PCGF6: variants seen among roughly 807,000 people sequenced by gnomAD.
The protein encoded by PCGF6 is polycomb group RING finger protein 6.
PCGF6 carries 24 observed loss-of-function variants against 45.5 expected under a neutral mutation model. The observed-to-expected ratio is 0.53, with a 90% confidence interval of 0.38 to 0.74. The LOEUF is 0.74. Ranked by LOEUF, PCGF6 falls within the 30% of genes least tolerant of loss-of-function variation. The probability of loss-of-function intolerance (pLI) is 0.00; values close to 1 mark genes in which losing one functional copy is unlikely to be tolerated. For missense variants in PCGF6, 356 were observed against 443.2 expected (o/e 0.80, Z 1.77); for synonymous variants, 152 against 162.1 (o/e 0.94, Z 0.47).
At chr10:103,332,330 A>G (rs1592068498) in intron 7 of PCGF6, among the ~76,000 whole-genome samples, 1 of 152,110 alleles carries the variant, frequency 6.6e-6, no homozygotes, top group Non-Finnish European at 1.5e-5. Flanking sequence ...CCTAGGCTAG[A>G]GTGTAGTGAC....
chr10:103,320,201 T>G (rs542585477), intron 8 of PCGF6, among the ~76,000 whole-genome samples: 1 of 152,298 alleles, frequency 6.6e-6, no homozygotes, highest in South Asian at 2.1e-4. Flanking sequence ...GTGAGGTGTA[T>G]GTTCTAAATT....
chr10:103,313,570 A>C lies in PCGF6; in HGVS notation c.996+616T>G, dbSNP rs370929916. Among the ~76,000 whole-genome samples, 61 of 152,326 alleles carry C rather than the reference A, an allele frequency of 4.0e-4. 2 individuals are homozygous for C. In the East Asian group the frequency reaches 6.5e-3, roughly 16 times the overall value. ...ACAGATCAAGACCTTGTCTCAAAAA[A>C]ATGAATAAATAAAAATACAATATAC... On this transcript the variant is annotated intron_variant, in intron 9 of 9. Coordinates refer to ENST00000369847, the MANE Select transcript of PCGF6 (RefSeq NM_001011663.2).
At chr10:103,318,811 T>C (rs1349725757) in intron 8 of PCGF6, among the ~76,000 whole-genome samples, 1 of 152,114 alleles carries the variant, frequency 6.6e-6, no homozygotes, top group African/African-American at 2.4e-5. Flanking sequence ...AACTACCAAA[T>C]TGCAGTTAGA....
At chr10:103,329,415 A>G (rs2093231678) in intron 7 of PCGF6, among the ~76,000 whole-genome samples, 1 of 152,168 alleles carries the variant, frequency 6.6e-6, no homozygotes, top group African/African-American at 2.4e-5. Context: ...AAACTGAAAC[A>G]AAGATTTCAT....
chr10:103,347,944 T>C (rs1170771264), intron 3 of PCGF6, among the ~76,000 whole-genome samples: 1 of 152,206 alleles, frequency 6.6e-6, no homozygotes. Flanking sequence ...AGCACTCCTG[T>C]GTGAAGGTAG....
intron 8 of PCGF6, among the ~76,000 whole-genome samples, chr10:103,316,011 T>TAGAGAGAGAG (rs1405037542): frequency 2.0e-4 from 26 of 129,820 alleles, no homozygotes; most frequent in South Asian, 7.4e-4. Flanking sequence ...TATATATATA[T>TAGAGAGAGAG]ATAGAGAGAG....
chr10:103,344,898 T>C (rs1285478474), intron 6 of PCGF6, 126 bp downstream of exon 6: 1 of 640,030 alleles, frequency 1.6e-6, no homozygotes, highest in African/African-American at 1.9e-5. Context: ...TTATTTCTAA[T>C]ATTCAGTTAT....
intron 6 of PCGF6, among the ~76,000 whole-genome samples, chr10:103,336,077 G>A (rs1243054307): frequency 1.4e-5 from 2 of 145,794 alleles, no homozygotes; most frequent in African/African-American, 5.1e-5. Context: ...ACCAGCCTGG[G>A]CAACAAATTA....
intron 8 of PCGF6, among the ~76,000 whole-genome samples, chr10:103,325,427 T>C (rs1212470970): frequency 6.6e-6 from 1 of 152,064 alleles, no homozygotes; most frequent in Non-Finnish European, 1.5e-5. Flanking sequence ...CTAATTTTTG[T>C]ATTTTTTAGT....
intron 7 of PCGF6, among the ~76,000 whole-genome samples, chr10:103,328,776 G>A (rs2093228550): frequency 6.6e-6 from 1 of 152,118 alleles, no homozygotes; most frequent in Non-Finnish European, 1.5e-5. Flanking sequence ...TTTTGAGATG[G>A]AGTCTTGCTC....
chr10:103,328,281 G>A (rs140513317), intron 7 of PCGF6, among the ~76,000 whole-genome samples: 1 of 152,298 alleles, frequency 6.6e-6, no homozygotes, highest in African/African-American at 2.4e-5. Flanking sequence ...TTTGTTCCAT[G>A]TTACAGCACT....
At position 103,350,871 on chromosome 10, in the gene PCGF6, G is replaced by A. The variant is rs759478488; in HGVS notation, c.196C>T (p.Pro66Ser). 9.4e-5 allele frequency: 145 copies of A among 1,538,444 alleles called. No homozygotes were observed. Among genetic ancestry groups the A allele is most frequent in the Non-Finnish European group, 1.2e-4 (142 of 1,143,136 alleles). ...CSGSRPPELEPERSLGRFRGR... is the reference protein window; with the variant it reads ...CSGSRPPELESERSLGRFRGR... Reference sequence around the variant, plus strand: ...CTGAAGCGGCCCAGGCTGCGCTCCGGCTCCAGCTCAGGGGGCCGGGAGCCG... The same window carrying A: ...CTGAAGCGGCCCAGGCTGCGCTCCGACTCCAGCTCAGGGGGCCGGGAGCCG... Residue 66 changes from proline to serine, a missense_variant, in exon 1 of 10, where the codon CCG (proline) becomes TCG (serine). Around this residue, in one of 2 missense-constraint regions of PCGF6, gnomAD observed 307 missense variants for 350.1 expected, o/e 0.88. Transcript: ENST00000369847.
chr10:103,340,957 C>T (rs1024700310), intron 6 of PCGF6, among the ~76,000 whole-genome samples: 2 of 152,106 alleles, frequency 1.3e-5, no homozygotes, highest in African/African-American at 4.8e-5. Context: ...CTTACAGGCG[C>T]GGTGGCTCAC....
intron 9 of PCGF6, 66 bp from the exon 10 acceptor site, chr10:103,304,027 C>A: frequency 7.5e-7 from 1 of 1,337,746 alleles, no homozygotes; most frequent in South Asian, 1.2e-5. Flanking sequence ...ATGATCAAGT[C>A]AAAGCTGGCT....
At chr10:103,320,000 G>A (rs553059922) in intron 8 of PCGF6, among the ~76,000 whole-genome samples, 61 of 152,080 alleles carry the variant, frequency 4.0e-4, no homozygotes, top group Middle Eastern at 3.4e-3. Context: ...TAGAGATGGG[G>A]TTTCACCATG....
chr10:103,333,854 T>C, intron 7 of PCGF6, 71 bp downstream of exon 7: 2 of 1,110,090 alleles, frequency 1.8e-6, no homozygotes, highest in East Asian at 5.3e-5. Context: ...CTCCATTTGG[T>C]TGCTAATCTG....
chr10:103,304,656 C>CTTTT (rs34403112), intron 9 of PCGF6, among the ~76,000 whole-genome samples: 1 of 137,358 alleles, frequency 7.3e-6, no homozygotes, highest in Non-Finnish European at 1.5e-5. Flanking sequence ...CCCAGCCCCA[C>CTTTT]TTTTTTTTTT....
At chr10:103,337,026 G>A (rs1425950191) in intron 6 of PCGF6, among the ~76,000 whole-genome samples, 5 of 152,062 alleles carry the variant, frequency 3.3e-5, no homozygotes, top group Non-Finnish European at 7.4e-5. Flanking sequence ...AAACTAATTT[G>A]AGGGACTTAC....
intron 6 of PCGF6, among the ~76,000 whole-genome samples, chr10:103,335,110 T>C (rs959315957): frequency 1.3e-5 from 2 of 151,842 alleles, no homozygotes; most frequent in Admixed American, 6.6e-5. Flanking sequence ...CAGGCAGGAG[T>C]GTAGTGGCTC....
Sources: allele counts gnomAD v4.1 joint callset (sites outside exome capture counted in the v4.1 genomes callset), GRCh38; gene constraint gnomAD v4.1.1; regional missense constraint gnomAD v4.1.1; transcripts MANE v1.5; gene names NCBI Gene and HGNC (gene_info 2026-07-23, HGNC 2026-07-21).